ATP13A5: variants seen among roughly 807,000 people sequenced by gnomAD.
ATP13A5 encodes the protein ATPase 13A5, also known as probable cation-transporting ATPase 13A5.
Under a neutral mutation model 150.2 loss-of-function variants are expected in ATP13A5, and 149 were observed. That is an observed-to-expected ratio of 0.99 (90% CI 0.87 to 1.14). The LOEUF (loss-of-function observed/expected upper bound fraction) is 1.14, where lower values mean the gene tolerates loss of function less well. ATP13A5 is among the 50% of genes most tolerant of loss of function. The pLI is 0.00. For missense variants in ATP13A5, 1,383 were observed against 1,449.3 expected, an observed-to-expected ratio of 0.95 and a Z score of 0.74; for synonymous variants, 497 against 522.2, an observed-to-expected ratio of 0.95 and a Z score of 0.66.
intron 7 of ATP13A5, among the ~76,000 whole-genome samples, chr3:193,346,471 A>G (rs1712341690): frequency 3.3e-5 from 5 of 152,182 alleles, no homozygotes; most frequent in Admixed American, 3.3e-4. Flanking sequence ...ATGCTGGGCC[A>G]GCCCTGGAAG....
intron 17 of ATP13A5, among the ~76,000 whole-genome samples, chr3:193,315,471 A>G (rs1719014203): frequency 6.6e-6 from 1 of 152,144 alleles, no homozygotes. Flanking sequence ...GGCATTTATT[A>G]AGGGCATTCT....
Position 193,354,090 on chromosome 3 carries a change from C to A in ATP13A5, c.606+37G>T, listed in dbSNP as rs533227984. The A allele has an allele frequency of 2.8e-5, 43 of 1,525,148 alleles. No homozygotes were observed. In the East Asian group the frequency reaches 9.1e-4, roughly 32 times the overall value. 94.5% of individuals were successfully genotyped at this position (1,525,148 alleles called of 1,614,324 possible). A position where few individuals can be genotyped will look rare whatever the true frequency, so the allele number is the denominator to read the frequency against. ...GAAGTAAGAAGTAAGGGGCAGAAAT[C>A]TATTTTTTCAAAAAAAAAAGAAAAG... On this transcript the variant is annotated intron_variant, in intron 6 of 29. Coordinates refer to ENST00000342358, the MANE Select transcript of ATP13A5 (RefSeq NM_198505.4).
intron 9 of ATP13A5, among the ~76,000 whole-genome samples, chr3:193,336,109 A>G (rs1711848161): frequency 6.6e-6 from 1 of 152,204 alleles, no homozygotes; most frequent in Non-Finnish European, 1.5e-5. Context: ...TATATCAATC[A>G]TAGTTATACA....
chr3:193,341,599 G>A (rs111331816), intron 9 of ATP13A5, among the ~76,000 whole-genome samples: 4 of 152,138 alleles, frequency 2.6e-5, no homozygotes, highest in African/African-American at 9.7e-5. Context: ...AGTGGAGTGG[G>A]AGCAGCAGGA....
At chr3:193,349,942 C>A (rs1712499694) in intron 7 of ATP13A5, among the ~76,000 whole-genome samples, 1 of 152,148 alleles carries the variant, frequency 6.6e-6, no homozygotes, top group African/African-American at 2.4e-5. Context: ...CACGCCCATA[C>A]TGTAGTAGTA....
intron 5 of ATP13A5, among the ~76,000 whole-genome samples, chr3:193,356,075 C>T (rs1433526246): frequency 2.0e-5 from 3 of 152,126 alleles, no homozygotes; most frequent in African/African-American, 7.2e-5. Flanking sequence ...GAAACAAGGG[C>T]GTTCCCTTTG....
chr3:193,288,289 TATTAAAC>T (rs1185028423), intron 26 of ATP13A5, among the ~76,000 whole-genome samples: 1 of 152,174 alleles, frequency 6.6e-6, no homozygotes, highest in African/African-American at 2.4e-5. Context: ...GATAAAATGC[TATTAAAC>T]AGCCTCACTT....
chr3:193,306,246 C>T (rs572911365), intron 22 of ATP13A5, among the ~76,000 whole-genome samples: 3 of 150,704 alleles, frequency 2.0e-5, no homozygotes, highest in Admixed American at 6.6e-5. Context: ...ATCTCTAGTT[C>T]GTATCTCTAT....
intron 10 of ATP13A5, 28 bp from the exon 11 acceptor site, chr3:193,333,935 A>C (rs1711745329): frequency 6.3e-7 from 1 of 1,595,078 alleles, no homozygotes. Context: ...TAGATCAAGT[A>C]AGGCTGCTTG....
chr3:193,290,830 T>C (rs1717923449), intron 25 of ATP13A5, among the ~76,000 whole-genome samples: 1 of 152,036 alleles, frequency 6.6e-6, no homozygotes, highest in Non-Finnish European at 1.5e-5. Flanking sequence ...CTGATGAAAA[T>C]GAAATGTATT....
At chr3:193,319,677 G>A (rs932908232) in intron 16 of ATP13A5, among the ~76,000 whole-genome samples, 2 of 152,210 alleles carry the variant, frequency 1.3e-5, no homozygotes, top group Non-Finnish European at 2.9e-5. Flanking sequence ...CAAACTGGGT[G>A]TCAAATGTAC....
Position 193,364,241 on chromosome 3 carries a change from A to G in ATP13A5, c.103T>C (p.Phe35Leu). The G allele has an allele frequency of 6.2e-7, 1 of 1,614,094 alleles. No individual in the cohort carries two copies. Reference protein sequence around the residue: ...GYRDHNVRKAFCLVASVLTCG... With the variant: ...GYRDHNVRKALCLVASVLTCG... ...GTCAGCACGGATGCGACAAGGCAGA[A>G]GGCTTTCCGTACATTGTGGTCCCGG... is the stretch of plus-strand genomic sequence containing the variant. The change falls in exon 2 of 30, where the codon TTC (phenylalanine) becomes CTC (leucine). Residue 35 changes from phenylalanine (F) to leucine (L), a missense_variant. This residue lies in a region of ATP13A5 where 787 missense variants were observed against 771.9 expected (regional missense o/e 1.02). Coordinates refer to ENST00000342358, the MANE Select transcript of ATP13A5 (RefSeq NM_198505.4).
intron 7 of ATP13A5, among the ~76,000 whole-genome samples, chr3:193,346,748 A>C (rs1712354211): frequency 6.6e-6 from 1 of 152,174 alleles, no homozygotes; most frequent in Admixed American, 6.6e-5. Flanking sequence ...ATATGGAAAA[A>C]TTTATGATAT....
intron 16 of ATP13A5, among the ~76,000 whole-genome samples, chr3:193,321,422 G>C (rs1388819352): frequency 6.6e-6 from 1 of 152,154 alleles, no homozygotes. Context: ...CTTGAGGCCA[G>C]GAGGTTGAGA....
At chr3:193,308,114 G>A (rs115954066) in intron 21 of ATP13A5, among the ~76,000 whole-genome samples, 153 of 152,238 alleles carry the variant, frequency 1.0e-3, no homozygotes, top group Non-Finnish European at 1.4e-3. Flanking sequence ...TTAGCGTTTC[G>A]TTATTATTAG....
At chr3:193,284,805 T>TA in intron 27 of ATP13A5, 109 bp downstream of exon 27, 1 of 926,792 alleles carries the variant, frequency 1.1e-6, no homozygotes, top group Non-Finnish European at 1.6e-6. Context: ...TTTAGAGTCA[T>TA]GCAATTGTTT....
At chr3:193,337,007 ATG>A (rs1219371168) in intron 9 of ATP13A5, among the ~76,000 whole-genome samples, 1 of 151,968 alleles carries the variant, frequency 6.6e-6, no homozygotes, top group Admixed American at 6.6e-5. Flanking sequence ...GCATTTTTTC[ATG>A]TGTCTTTTGG....
chr3:193,288,988 G>GA (rs879645155), intron 26 of ATP13A5, among the ~76,000 whole-genome samples: 3 of 151,942 alleles, frequency 2.0e-5, no homozygotes, highest in Non-Finnish European at 1.5e-5. Context: ...TCCAATTTTG[G>GA]AAAAAATCTA....
intron 10 of ATP13A5, among the ~76,000 whole-genome samples, chr3:193,334,676 AAAG>A (rs1711776857): frequency 6.6e-6 from 1 of 152,304 alleles, no homozygotes; most frequent in Admixed American, 6.5e-5. Context: ...TCACAAGCAA[AAAG>A]AAGAGCATAG....
Sources: gnomAD v4.1 joint callset for allele counts (sites outside exome capture counted in the v4.1 genomes callset) on GRCh38, gnomAD v4.1.1 for gene constraint, gnomAD v4.1.1 regional missense constraint, MANE v1.5 for transcripts, NCBI Gene and HGNC (gene_info 2026-07-23, HGNC 2026-07-21) for gene names.